Variants in NYAP2 observed in about 807,000 individuals in gnomAD.
NYAP2 encodes neuronal tyrosine-phosphorylated phosphoinositide-3-kinase adapter 2.
A neutral mutation model predicts 50.4 loss-of-function variants in NYAP2; 23 were observed. The ratio of observed to expected loss-of-function variants is 0.46; its 90% CI spans 0.33 to 0.65. The LOEUF is 0.65. Ranked by LOEUF, NYAP2 falls within the 30% of genes least tolerant of loss-of-function variation. The pLI is 0.02. For synonymous variants in NYAP2, 394 were observed against 365.2 expected (o/e 1.08, Z -0.90); for missense variants, 885 against 861.0 (o/e 1.03, Z -0.35).
At chr2:225,549,470 C>G (rs773588187) in intron 4 of NYAP2, among the ~76,000 whole-genome samples, 1 of 152,090 alleles carries the variant, frequency 6.6e-6, no homozygotes, top group Non-Finnish European at 1.5e-5. Context: ...CAAATGAATA[C>G]TTGATGGAGT....
intron 5 of NYAP2, among the ~76,000 whole-genome samples, chr2:225,621,642 T>C: frequency 6.6e-6 from 1 of 152,180 alleles, no homozygotes; most frequent in East Asian, 1.9e-4. Flanking sequence ...TATTTAACTA[T>C]ATTTTTATAA....
At chr2:225,481,842 G>T (rs1036944739) in intron 3 of NYAP2, among the ~76,000 whole-genome samples, 1 of 151,948 alleles carries the variant, frequency 6.6e-6, no homozygotes, top group Non-Finnish European at 1.5e-5. Flanking sequence ...GTCCAACATT[G>T]TGCTAAGTGC....
At chr2:225,540,844 T>C (rs1469238270) in intron 4 of NYAP2, among the ~76,000 whole-genome samples, 2 of 152,172 alleles carry the variant, frequency 1.3e-5, no homozygotes, top group African/African-American at 4.8e-5. Flanking sequence ...CTATTTTTAG[T>C]TTTTTGAGAA....
chr2:225,452,043 T>C (rs1446470517), intron 3 of NYAP2, among the ~76,000 whole-genome samples: 1 of 152,176 alleles, frequency 6.6e-6, no homozygotes, highest in African/African-American at 2.4e-5. Flanking sequence ...TAAAGCATCA[T>C]TCTTAAAAGA....
chr2:225,680,839 T>C, the NYAP2 span, among the ~76,000 whole-genome samples: 677 of 152,314 alleles, frequency 4.4e-3, 9 homozygotes, highest in African/African-American at 0.015. Context: ...GGCAGTTCCA[T>C]AATTAGATAT....
rs180969199 is a variant in NYAP2 at position 225,439,755 on chromosome 2, C to A, written c.221+30654C>A. Among the ~76,000 whole-genome samples the A allele has an allele frequency of 1.8e-3, 277 of 152,288 alleles. 1 individual carries two copies. Among genetic ancestry groups the A allele is most frequent in the Non-Finnish European group, 3.4e-3 (233 of 68,028 alleles). ...AGGGAACAGTGTTATAGTTCATTCT[C>A]ATGCTGCTATGAAGAAATACCTGAG... On this transcript the variant is annotated intron_variant, in intron 3 of 6. Coordinates refer to ENST00000636099, the Ensembl canonical transcript of NYAP2.
intron 4 of NYAP2, among the ~76,000 whole-genome samples, chr2:225,565,249 A>G (rs1039000676): frequency 1.3e-5 from 2 of 152,224 alleles, no homozygotes; most frequent in Admixed American, 6.5e-5. Flanking sequence ...AAACTCACTT[A>G]AGGGAAATCA....
chr2:225,406,409 TG>T (rs1408175285), intron 2 of NYAP2, among the ~76,000 whole-genome samples: 2 of 151,958 alleles, frequency 1.3e-5, no homozygotes, highest in African/African-American at 4.8e-5. Context: ...AAATAAAACA[TG>T]TATGACCAAC....
the NYAP2 span, among the ~76,000 whole-genome samples, chr2:225,671,206 A>G: frequency 6.6e-6 from 1 of 152,116 alleles, no homozygotes; most frequent in Non-Finnish European, 1.5e-5. Flanking sequence ...CCTATGCCAA[A>G]CCATATGATG....
In NYAP2 at chr2:225,455,419, C is replaced by T. The variant is rs1331798364; in HGVS notation, c.221+46318C>T. Among the ~76,000 whole-genome samples the T allele has an allele frequency of 2.0e-5, 3 of 152,324 alleles. No individual in the cohort carries two copies. In the East Asian group the frequency reaches 5.8e-4, roughly 29 times the overall value. On this transcript the variant is annotated intron_variant, in intron 3 of 6. Transcript: ENST00000636099. ...TACATTATCCACTACGTACAATATACTATTTAATGCCAAACAGCCTGATAA... is the reference window on the plus strand; with the variant it reads ...TACATTATCCACTACGTACAATATATTATTTAATGCCAAACAGCCTGATAA...
intron 3 of NYAP2, among the ~76,000 whole-genome samples, chr2:225,458,882 T>C (rs1052730013): frequency 5.3e-5 from 8 of 152,256 alleles, no homozygotes; most frequent in African/African-American, 1.9e-4. Flanking sequence ...TCTTTTTCCA[T>C]GGACAGACAG....
intron 4 of NYAP2, among the ~76,000 whole-genome samples, chr2:225,558,745 C>T (rs1691818517): frequency 6.6e-6 from 1 of 152,158 alleles, no homozygotes; most frequent in South Asian, 2.1e-4. Flanking sequence ...TTCTATCTTC[C>T]ATAGCTTCTC....
intron 5 of NYAP2, among the ~76,000 whole-genome samples, chr2:225,623,123 C>A (rs1203472924): frequency 1.3e-5 from 2 of 152,128 alleles, no homozygotes; most frequent in African/African-American, 4.8e-5. Context: ...TGAAATCTTT[C>A]TGAGACTGTA....
At chr2:225,468,239 T>C (rs1184560424) in intron 3 of NYAP2, among the ~76,000 whole-genome samples, 1 of 152,128 alleles carries the variant, frequency 6.6e-6, no homozygotes, top group African/African-American at 2.4e-5. Flanking sequence ...GGCTTCCTTA[T>C]AATAAAAGAA....
the NYAP2 span, among the ~76,000 whole-genome samples, chr2:225,679,788 C>T: frequency 1.3e-4 from 19 of 151,888 alleles, no homozygotes; most frequent in Admixed American, 9.9e-4. Context: ...CCACTGTGCC[C>T]GGCCTGATTT....
chr2:225,575,869 A>G (rs1692161952), intron 4 of NYAP2, among the ~76,000 whole-genome samples: 1 of 152,190 alleles, frequency 6.6e-6, no homozygotes, highest in African/African-American at 2.4e-5. Flanking sequence ...TGGCTTAGGG[A>G]ATTTCTATAT....
chr2:225,469,692 C>A (rs980466522), intron 3 of NYAP2, among the ~76,000 whole-genome samples: 1 of 152,164 alleles, frequency 6.6e-6, no homozygotes, highest in Non-Finnish European at 1.5e-5. Flanking sequence ...GAGTTCGTGT[C>A]CTTTGCAGGG....
At chr2:225,538,708 T>C (rs1691394592) in intron 4 of NYAP2, among the ~76,000 whole-genome samples, 1 of 152,244 alleles carries the variant, frequency 6.6e-6, no homozygotes, top group Admixed American at 6.5e-5. Context: ...TTGTTACTTA[T>C]GCAAACTACT....
At chr2:225,453,863 G>A (rs1689692500) in intron 3 of NYAP2, among the ~76,000 whole-genome samples, 2 of 142,690 alleles carry the variant, frequency 1.4e-5, no homozygotes, top group Middle Eastern at 7.3e-3. Context: ...TTTTAGTAGA[G>A]ACAGAATTTC....
Sources: allele counts gnomAD v4.1 joint callset (sites outside exome capture counted in the v4.1 genomes callset), GRCh38; gene constraint gnomAD v4.1.1; transcripts MANE v1.5; gene names NCBI Gene and HGNC (gene_info 2026-07-23, HGNC 2026-07-21).